The following CSMD1 variants were observed in gnomAD, a reference collection of about 807,000 sequenced individuals.
CSMD1 encodes CUB and Sushi multiple domains 1.
CSMD1 carries 213 observed loss-of-function variants against 417.5 expected under a neutral mutation model. That is an observed-to-expected ratio of 0.51 (90% CI 0.46 to 0.57). CSMD1 has a LOEUF of 0.57. Ranked by LOEUF, CSMD1 falls within the 20% of genes least tolerant of loss-of-function variation. CSMD1 has a pLI of 0.00. For missense variants in CSMD1, 6,923 were observed against 4,529.7 expected (o/e 1.53, Z -15.17); for synonymous variants, 2,862 against 1,736.8 (o/e 1.65, Z -16.11).
chr8:4,696,701 G>T (rs1485790792), intron 1 of CSMD1, among the ~76,000 whole-genome samples: 3 of 152,206 alleles, frequency 2.0e-5, no homozygotes, highest in African/African-American at 7.2e-5. Flanking sequence ...ACCCATGAAG[G>T]CAAGGACTTT....
intron 8 of CSMD1, among the ~76,000 whole-genome samples, chr8:3,608,997 G>A (rs999995565): frequency 3.3e-5 from 5 of 152,024 alleles, no homozygotes; most frequent in East Asian, 1.9e-4. Flanking sequence ...TGTGAAGTCC[G>A]CACACTACAC....
intron 2 of CSMD1, among the ~76,000 whole-genome samples, chr8:4,617,813 C>T (rs373868059): frequency 6.6e-6 from 1 of 152,082 alleles, no homozygotes; most frequent in Non-Finnish European, 1.5e-5. Context: ...TTTTTTATCT[C>T]CCTCCTCCAT....
chr8:4,586,267 T>A (rs1051207837), intron 2 of CSMD1, among the ~76,000 whole-genome samples: 5 of 152,238 alleles, frequency 3.3e-5, no homozygotes, highest in African/African-American at 1.2e-4. Context: ...TCATTCTGAC[T>A]GTATTTTAGT....
chr8:4,687,083 T>C (rs1041422436), intron 1 of CSMD1, among the ~76,000 whole-genome samples: 4 of 152,294 alleles, frequency 2.6e-5, no homozygotes, highest in East Asian at 1.9e-4. Context: ...AGCCGGCCCC[T>C]GTGCAGGCTA....
chr8:4,696,572 G>C (rs1807147480), intron 1 of CSMD1, among the ~76,000 whole-genome samples: 1 of 152,136 alleles, frequency 6.6e-6, no homozygotes, highest in African/African-American at 2.4e-5. Context: ...GAATGATATA[G>C]GAATAACAGT....
intron 1 of CSMD1, among the ~76,000 whole-genome samples, chr8:4,943,667 A>G (rs1339531367): frequency 6.6e-6 from 1 of 152,194 alleles, no homozygotes; most frequent in Non-Finnish European, 1.5e-5. Context: ...CCTATCTAGA[A>G]CTTTGCAGAC....
intron 12 of CSMD1, among the ~76,000 whole-genome samples, chr8:3,452,168 T>C (rs527426432): frequency 6.6e-6 from 1 of 152,368 alleles, no homozygotes; most frequent in East Asian, 1.9e-4. Flanking sequence ...ACTGATTTTG[T>C]ATCCTGAGAC....
intron 2 of CSMD1, among the ~76,000 whole-genome samples, chr8:4,487,714 G>C (rs1801488814): frequency 6.6e-6 from 1 of 152,152 alleles, no homozygotes; most frequent in African/African-American, 2.4e-5. Context: ...CAAAATGCCT[G>C]TTTAGAGGAT....
At chr8:4,793,371 C>T (rs1797797907) in intron 1 of CSMD1, among the ~76,000 whole-genome samples, 1 of 151,990 alleles carries the variant, frequency 6.6e-6, no homozygotes, top group South Asian at 2.1e-4. Context: ...CATTTTGAAA[C>T]ATAGAATAAA....
chr8:3,847,219 A>G lies in CSMD1; in HGVS notation c.819-93177T>C, dbSNP rs181887589. On this transcript the variant is annotated intron_variant, in intron 5 of 69. Coordinates refer to ENST00000635120, the MANE Select transcript of CSMD1 (RefSeq NM_033225.6). ...CACTCTTACCATTATGTTACATTAC[A>G]GGGCAAAGGTGAAGACATTTTGCAG... 3.6e-4 allele frequency among the ~76,000 whole-genome samples: 55 copies of G among 152,268 alleles called. 2 individuals are homozygous for G. In the East Asian group the frequency reaches 7.8e-3, roughly 21 times the overall value.
Position 3,408,079 on chromosome 8 carries a change from C to T in CSMD1, c.1891G>A (p.Val631Ile). The change falls in exon 14 of 70, where the codon GTT becomes ATT. Residue 631 changes from valine (V) to isoleucine (I), a missense_variant. Coordinates refer to ENST00000635120, the MANE Select transcript of CSMD1 (RefSeq NM_033225.6). The stretch of plus-strand genomic sequence containing the variant: ...GCGAGAAAGTCAAACTGAGGCTCAA[C>T]ATCAAAATCATTAAAGATTAGGTGA... ...RIHLIFNDFD[V>I]EPQFDFLAVK... 5 of 1,613,870 alleles carry T rather than the reference C, an allele frequency of 3.1e-6. No homozygotes were observed. The highest frequency in any genetic ancestry group is 1.7e-5 in the Admixed American group (1 of 60,000).
At chr8:3,693,201 T>G (rs1189767562) in intron 7 of CSMD1, among the ~76,000 whole-genome samples, 1 of 152,216 alleles carries the variant, frequency 6.6e-6, no homozygotes, top group African/African-American at 2.4e-5. Context: ...GAATCAATAC[T>G]GTTCATCAAA....
At chr8:4,032,698 C>A (rs755858730) in intron 3 of CSMD1, among the ~76,000 whole-genome samples, 1 of 152,184 alleles carries the variant, frequency 6.6e-6, no homozygotes, top group Non-Finnish European at 1.5e-5. Flanking sequence ...AGCAGCCAGG[C>A]TCTGTCCATT....
intron 3 of CSMD1, among the ~76,000 whole-genome samples, chr8:4,367,052 G>C (rs555438677): frequency 1.8e-4 from 28 of 151,988 alleles, no homozygotes; most frequent in African/African-American, 6.5e-4. Context: ...TAGTTTAATA[G>C]GTCCCACTTG....
chr8:3,823,080 T>C (rs1415037819), intron 5 of CSMD1, among the ~76,000 whole-genome samples: 1 of 152,176 alleles, frequency 6.6e-6, no homozygotes, highest in Non-Finnish European at 1.5e-5. Context: ...TCAAGAGGAA[T>C]AAATTACCTG....
intron 12 of CSMD1, among the ~76,000 whole-genome samples, chr8:3,421,811 T>C (rs1462109826): frequency 6.6e-6 from 1 of 152,202 alleles, no homozygotes; most frequent in East Asian, 1.9e-4. Context: ...GTAATTCTTG[T>C]ATTTTTCGTA....
chr8:4,091,227 T>G (rs1428559832), intron 3 of CSMD1, among the ~76,000 whole-genome samples: 1 of 151,930 alleles, frequency 6.6e-6, no homozygotes, highest in Non-Finnish European at 1.5e-5. Context: ...CCAAAAGCAG[T>G]CTTAAAGGTG....
chr8:4,080,592 T>C (rs962708908), intron 3 of CSMD1, among the ~76,000 whole-genome samples: 7 of 152,338 alleles, frequency 4.6e-5, no homozygotes, highest in African/African-American at 1.4e-4. Flanking sequence ...TATGATGTCA[T>C]AGTTTTTATA....
intron 5 of CSMD1, among the ~76,000 whole-genome samples, chr8:3,935,547 C>A (rs561857798): frequency 5.3e-5 from 8 of 152,112 alleles, no homozygotes; most frequent in Non-Finnish European, 1.0e-4. Context: ...ATAACCCAGG[C>A]TTCTAGGTAT....
Sources: allele counts gnomAD v4.1 joint callset (sites outside exome capture counted in the v4.1 genomes callset), GRCh38; gene constraint gnomAD v4.1.1; transcripts MANE v1.5; gene names NCBI Gene and HGNC (gene_info 2026-07-23, HGNC 2026-07-21).